Variants in SPAG16 observed in about 807,000 individuals in gnomAD.
SPAG16 encodes sperm-associated antigen 16 protein.
SPAG16 carries 86 observed loss-of-function variants against 80.4 expected under a neutral mutation model. The observed-to-expected ratio is 1.07, with a 90% CI of 0.90 to 1.28. SPAG16 has a LOEUF of 1.28. Ranked by LOEUF, SPAG16 falls within the 50% of genes most tolerant of loss-of-function variation. The pLI is 0.00. For missense variants in SPAG16, 870 were observed against 765.3 expected, an observed-to-expected ratio of 1.14 and a Z score of -1.61; for synonymous variants, 294 against 265.9, an observed-to-expected ratio of 1.11 and a Z score of -1.03.
At chr2:213,691,206 A>G (rs941051446) in intron 10 of SPAG16, among the ~76,000 whole-genome samples, 1 of 152,214 alleles carries the variant, frequency 6.6e-6, no homozygotes, top group East Asian at 1.9e-4. Flanking sequence ...CTCTAAAGAT[A>G]ACCCTCAATA....
At chr2:213,965,877 A>G (rs538314336) in intron 12 of SPAG16, among the ~76,000 whole-genome samples, 96 of 152,290 alleles carry the variant, frequency 6.3e-4, no homozygotes, top group African/African-American at 2.1e-3. Flanking sequence ...TAGCTACTCT[A>G]TGAGTGGAGT....
At chr2:213,962,819 C>G (rs1272110554) in intron 12 of SPAG16, among the ~76,000 whole-genome samples, 5 of 152,156 alleles carry the variant, frequency 3.3e-5, no homozygotes, top group Non-Finnish European at 4.4e-5. Context: ...TCCATTTAAT[C>G]TAAGTTGTCT....
At chr2:213,999,774 G>A (rs770702662) in intron 12 of SPAG16, among the ~76,000 whole-genome samples, 5 of 152,230 alleles carry the variant, frequency 3.3e-5, no homozygotes, top group South Asian at 2.1e-4. Context: ...TTGCATCAGC[G>A]TGACCTGGAT....
chr2:213,359,192 C>G (rs1024349654), intron 7 of SPAG16, among the ~76,000 whole-genome samples: 1 of 152,162 alleles, frequency 6.6e-6, no homozygotes. Context: ...TCAGTCGGCC[C>G]CTACTGGGAG....
At chr2:214,291,262 G>C (rs1206560501) in intron 15 of SPAG16, among the ~76,000 whole-genome samples, 1 of 146,408 alleles carries the variant, frequency 6.8e-6, no homozygotes, top group Non-Finnish European at 1.5e-5. Context: ...GTAGGTAAAG[G>C]GTGTTTCTTG....
intron 15 of SPAG16, among the ~76,000 whole-genome samples, chr2:214,394,347 A>C (rs1559268456): frequency 6.6e-6 from 1 of 152,236 alleles, no homozygotes; most frequent in Non-Finnish European, 1.5e-5. Context: ...ATACCAGTGT[A>C]CAAATCTGAG....
At chr2:213,438,470 A>G (rs2070760441) in intron 9 of SPAG16, among the ~76,000 whole-genome samples, 1 of 152,244 alleles carries the variant, frequency 6.6e-6, no homozygotes, top group African/African-American at 2.4e-5. Context: ...AGATATAGCC[A>G]TTTATTTACA....
rs78122551 is a variant in SPAG16 at position 214,005,280 on chromosome 2, G to C, written c.1401-8671G>C. On this transcript the variant is annotated intron_variant, in intron 12 of 15. Transcript: ENST00000331683. ...ATTTAACAAGGCTGAGTGAGGACTT[G>C]AAGGCACTCTGAGTTGCTAGCTCTA... Among the ~76,000 whole-genome samples, 376 of 152,270 alleles carry C rather than the reference G, an allele frequency of 2.5e-3. 2 individuals are homozygous for C. The highest frequency in any genetic ancestry group is 8.6e-3 in the African/African-American group (359 of 41,542).
intron 11 of SPAG16, among the ~76,000 whole-genome samples, chr2:213,907,922 A>T (rs1472641560): frequency 6.6e-6 from 1 of 152,168 alleles, no homozygotes; most frequent in Non-Finnish European, 1.5e-5. Context: ...CTAGAAGAGG[A>T]ATAAGTTCTT....
intron 4 of SPAG16, among the ~76,000 whole-genome samples, chr2:213,314,755 TAA>T (rs1042036404): frequency 1.3e-5 from 2 of 151,926 alleles, no homozygotes; most frequent in African/African-American, 4.8e-5. Context: ...TTTTCCTCAT[TAA>T]ATAAAGCAAG....
intron 13 of SPAG16, among the ~76,000 whole-genome samples, chr2:214,019,278 C>CTT (rs10627865): frequency 0.39 from 58,289 of 150,788 alleles, 11,612 homozygotes; most frequent in South Asian, 0.69. Flanking sequence ...AATATTAAGG[C>CTT]TTTTTTTTTA....
intron 10 of SPAG16, among the ~76,000 whole-genome samples, chr2:213,709,943 T>C (rs2065911804): frequency 6.6e-6 from 1 of 152,212 alleles, no homozygotes; most frequent in Non-Finnish European, 1.5e-5. Context: ...TTGAAATCAA[T>C]GTGTAAGTGC....
chr2:214,168,520 C>A (rs533806844), intron 15 of SPAG16, among the ~76,000 whole-genome samples: 9 of 152,108 alleles, frequency 5.9e-5, no homozygotes, highest in African/African-American at 2.2e-4. Context: ...CACACACACA[C>A]ATTCATAAAT....
chr2:214,386,887 C>A (rs1231228053), intron 15 of SPAG16, among the ~76,000 whole-genome samples: 12 of 125,148 alleles, frequency 9.6e-5, no homozygotes, highest in South Asian at 7.5e-4. Context: ...AAAAAAAAAA[C>A]AACTATGAAA....
rs1272638804 is a variant in SPAG16 at position 213,284,726 on chromosome 2, C to T, written c.136+107C>T. The T allele has an allele frequency of 4.9e-6, 7 of 1,415,038 alleles. No individual in the cohort carries two copies. The African/African-American group carries it at 5.8e-5, about 12-fold the overall frequency. 87.7% of individuals were successfully genotyped at this position (1,415,038 alleles called of 1,614,324 possible). On this transcript the variant is annotated intron_variant, in intron 1 of 15. Transcript: ENST00000331683. ...CGCCTTTTGAGCCTTGGGGCCACTC[C>T]GGAGGAGCCTCTGTTGGACTTCAAG...
At chr2:214,049,260 T>C (rs779879998) in intron 13 of SPAG16, among the ~76,000 whole-genome samples, 17 of 152,220 alleles carry the variant, frequency 1.1e-4, no homozygotes, top group Non-Finnish European at 2.4e-4. Context: ...TGGAGCTTTG[T>C]TGTATTAAAG....
intron 10 of SPAG16, among the ~76,000 whole-genome samples, chr2:213,564,174 T>C (rs1328104485): frequency 6.6e-6 from 1 of 152,056 alleles, no homozygotes; most frequent in Non-Finnish European, 1.5e-5. Context: ...TGACTGAGGA[T>C]AGAAGAAAGG....
chr2:214,281,422 C>T (rs1370523476), intron 15 of SPAG16: 5 of 194,818 alleles, frequency 2.6e-5, no homozygotes, highest in Non-Finnish European at 4.5e-5. Flanking sequence ...TTAAAGTAGG[C>T]CTTAGTCTTA....
intron 13 of SPAG16, among the ~76,000 whole-genome samples, chr2:214,070,071 T>C (rs962359916): frequency 2.0e-5 from 3 of 149,096 alleles, no homozygotes; most frequent in African/African-American, 4.9e-5. Flanking sequence ...CACATTTTCC[T>C]CTTGGGGAAT....
Sources: allele counts gnomAD v4.1 joint callset (sites outside exome capture counted in the v4.1 genomes callset), GRCh38; gene constraint gnomAD v4.1.1; transcripts MANE v1.5; gene names NCBI Gene and HGNC (gene_info 2026-07-23, HGNC 2026-07-21).